The following ZNF530 variants were observed in gnomAD, a reference collection of about 807,000 sequenced individuals.
ZNF530 encodes zinc finger protein 530.
ZNF530 carries 5 observed loss-of-function variants against 2.8 expected under a neutral mutation model. The observed-to-expected ratio is 1.80, with a 90% CI of 0.94 to 3.78. The LOEUF (loss-of-function observed/expected upper bound fraction) is 3.78. Among genes scored for constraint, ZNF530 ranks in the 30% most tolerant of loss-of-function variants. The pLI, the probability that ZNF530 is intolerant of heterozygous loss-of-function variation, is 0.00. For missense variants in ZNF530, 619 were observed against 673.3 expected, an observed-to-expected ratio of 0.92 and a Z score of 0.89; for synonymous variants, 229 against 235.0, an observed-to-expected ratio of 0.97 and a Z score of 0.23.
Position 57,606,478 on chromosome 19 carries a change from C to A in ZNF530, c.854C>A (p.Thr285Asn). 6.2e-7 allele frequency: 1 copy of A among 1,614,170 alleles called. No homozygotes were observed. The highest frequency in any genetic ancestry group is 8.5e-7 in the Non-Finnish European group (1 of 1,180,036). ...SVLIQHQRVH[T>N]GERPYECSEC... ...CTCATTCAACATCAACGAGTTCACA[C>A]TGGAGAAAGGCCTTATGAGTGCAGT... Residue 285 changes from threonine to asparagine, a missense_variant, in exon 4 of 4, where the codon ACT becomes AAT. Thr to Asn is a moderately conservative substitution (Grantham distance 65, BLOSUM62 0). Transcript: ENST00000597700.
In ZNF530 at chr19:57,600,130, C is replaced by G. The variant is rs901097047; in HGVS notation, c.-126C>G. ...ATGGCGGCGGCACTGAGGGCCCCGACCCAGGTGAGCGCTGCGTCCTCCCGG... is the reference window on the plus strand; with the variant it reads ...ATGGCGGCGGCACTGAGGGCCCCGAGCCAGGTGAGCGCTGCGTCCTCCCGG... On this transcript the variant is annotated 5_prime_UTR_variant, in exon 1 of 4. Transcript: ENST00000597700. 1 of 1,570,294 alleles carries G rather than the reference C, an allele frequency of 6.4e-7. No individual in the cohort carries two copies. Among genetic ancestry groups the G allele is most frequent in the Non-Finnish European group, 8.6e-7 (1 of 1,156,984 alleles).
chr19:57,610,327 C>A (rs139480699), downstream of ZNF530, among the ~76,000 whole-genome samples: 1 of 151,716 alleles, frequency 6.6e-6, no homozygotes, highest in East Asian at 1.9e-4. Flanking sequence ...TAAAACTTCC[C>A]CTTAGGTAAG....
intron 2 of ZNF530, among the ~76,000 whole-genome samples, chr19:57,601,990 G>C (rs570757265): frequency 1.3e-5 from 2 of 152,284 alleles, no homozygotes; most frequent in South Asian, 4.1e-4. Flanking sequence ...CCAACATTGG[G>C]GATCACATTT....
In ZNF530 at chr19:57,607,214, T is replaced by C; in HGVS notation, c.1590T>C (p.Ile530=). 1.2e-6 allele frequency: 2 copies of C among 1,614,066 alleles called. 1 individual carries two copies. The highest frequency in any genetic ancestry group is 2.2e-5 in the South Asian group (2 of 91,080). ...GKSFTRKNHL[I]QHKTVHTGER... ...CTTTTACCCGCAAAAATCACCTCAT[T>C]CAACACAAGACAGTTCACACTGGAG... Residue 530 remains isoleucine, a synonymous_variant, in exon 4 of 4, where the codon ATT becomes ATC. Coordinates refer to ENST00000597700, the MANE Select transcript of ZNF530 (RefSeq NM_001321981.2).
In ZNF530 at chr19:57,606,164, C is replaced by T. The variant is rs768807121; in HGVS notation, c.540C>T (p.Tyr180=). 20 of 1,614,108 alleles carry T rather than the reference C, an allele frequency of 1.2e-5. No homozygotes were observed. Among genetic ancestry groups the T allele is most frequent in the African/African-American group, 2.7e-5 (2 of 74,942 alleles). The change falls in exon 4 of 4, where the codon TAC becomes TAT. Residue 180 remains tyrosine (Y), a synonymous_variant. Transcript: ENST00000597700. ...CCACTGGACGAAAGCCTCTCAAATA[C>T]ACTGAATCCAGGAAATCTTTTAGAG... The part of the protein sequence containing the change: ...RVPTGRKPLK[Y]TESRKSFREK...
At chr19:57,611,910 T>TGAGGCAACTA (rs556974036), downstream of ZNF530, among the ~76,000 whole-genome samples, 114 of 152,290 alleles carry the variant, frequency 7.5e-4, no homozygotes, top group African/African-American at 2.2e-3. Flanking sequence ...GGTGAGGGTA[T>TGAGGCAACTA]GAGGCAACTA....
chr19:57,606,976 T>C lies in ZNF530; in HGVS notation c.1352T>C (p.Val451Ala). ...CKTDLIRHQT[V>A]HTGERPYECS... ...ACTGACCTCATTCGACACCAGACAG[T>C]TCACACTGGAGAAAGGCCTTATGAG... Residue 451 changes from valine (V) to alanine (A), a missense_variant, in exon 4 of 4, where the codon GTT becomes GCT. Val to Ala is a moderately conservative substitution (Grantham distance 64). Coordinates refer to ENST00000597700, the MANE Select transcript of ZNF530 (RefSeq NM_001321981.2). 1 of 1,614,034 alleles carries C rather than the reference T, an allele frequency of 6.2e-7. No homozygotes were observed. Among genetic ancestry groups the C allele is most frequent in the Non-Finnish European group, 8.5e-7 (1 of 1,180,006 alleles).
chr19:57,604,233 C>T (rs1980385355), intron 2 of ZNF530, 44 bp from the exon 3 acceptor site: 1 of 1,612,022 alleles, frequency 6.2e-7, no homozygotes, highest in South Asian at 1.1e-5. Context: ...AACTTGGGGT[C>T]CTAGGAAAGA....
chr19:57,605,855 T>G lies in ZNF530; in HGVS notation c.231T>G (p.His77Gln), dbSNP rs2360543. Reference sequence around the variant, plus strand: ...ACATTTTACAAATGATTGAGCTCCATGCCTCACCCTGTGGACAGAAATTGT... The same window carrying G: ...ACATTTTACAAATGATTGAGCTCCAGGCCTCACCCTGTGGACAGAAATTGT... ...LRDILQMIEL[H>Q]ASPCGQKLYL... Residue 77 changes from histidine (H) to glutamine (Q), a missense_variant, in exon 4 of 4, where the codon CAT becomes CAG. Physicochemically the swap from His to Gln is conservative, Grantham distance 24. Coordinates refer to ENST00000597700, the MANE Select transcript of ZNF530 (RefSeq NM_001321981.2). 3.7e-6 allele frequency: 6 copies of G among 1,614,008 alleles called. No homozygotes were observed. The East Asian group carries it at 1.3e-4, about 36-fold the overall frequency.
In ZNF530 at chr19:57,600,052, C is replaced by G; in HGVS notation, c.-204C>G. The G allele has an allele frequency of 6.7e-7, 1 of 1,500,274 alleles. No individual in the cohort carries two copies. The highest frequency in any genetic ancestry group is 9.0e-7 in the Non-Finnish European group (1 of 1,111,768). The allele number at this position is 1,500,274 out of a possible 1,614,324, so 92.9% of individuals were successfully genotyped here. The stretch of plus-strand genomic sequence containing the variant: ...CGCCGGCGGTGGTGACAGCTTTGCT[C>G]TTGTCTCCGCCCGGATCGTCCACCG... On this transcript the variant is annotated 5_prime_UTR_variant, in exon 1 of 4. Coordinates refer to ENST00000597700, the MANE Select transcript of ZNF530 (RefSeq NM_001321981.2).
intron 2 of ZNF530, among the ~76,000 whole-genome samples, chr19:57,602,377 T>C (rs2123455618): frequency 1.3e-5 from 2 of 152,344 alleles, no homozygotes; most frequent in Middle Eastern, 6.8e-3. Context: ...CACATTATAT[T>C]AGGCTTCATT....
In ZNF530 at chr19:57,606,981, A is replaced by C; in HGVS notation, c.1357A>C (p.Thr453Pro). 3.7e-6 allele frequency: 6 copies of C among 1,614,126 alleles called. No individual in the cohort carries two copies. The highest frequency in any genetic ancestry group is 5.1e-6 in the Non-Finnish European group (6 of 1,180,024). Residue 453 changes from threonine (T) to proline (P), a missense_variant, in exon 4 of 4, where the codon ACT becomes CCT. By Grantham distance (38) the Thr-to-Pro change is conservative. Coordinates refer to ENST00000597700, the MANE Select transcript of ZNF530 (RefSeq NM_001321981.2). ...CCTCATTCGACACCAGACAGTTCACACTGGAGAAAGGCCTTATGAGTGCAG... is the reference window on the plus strand; with the variant it reads ...CCTCATTCGACACCAGACAGTTCACCCTGGAGAAAGGCCTTATGAGTGCAG... ...TDLIRHQTVHTGERPYECSVC... is the reference protein window; with the variant it reads ...TDLIRHQTVHPGERPYECSVC...
At position 57,606,534 on chromosome 19, in the gene ZNF530, A is replaced by C; in HGVS notation, c.910A>C (p.Asn304His). 1.2e-6 allele frequency: 2 copies of C among 1,606,310 alleles called. No homozygotes were observed. Among genetic ancestry groups the C allele is most frequent in the Non-Finnish European group, 1.7e-6 (2 of 1,177,140 alleles). Residue 304 changes from asparagine (N) to histidine (H), a missense_variant, in exon 4 of 4, where the codon AAC (asparagine) becomes CAC (histidine). Asn to His is a moderately conservative substitution (Grantham distance 68). Transcript: ENST00000597700. Reference sequence around the variant, plus strand: ...TGGGAAATCTTTTAGCCACAGCACTAACCTCTATCGTCACAGGAGTGCCCA... The same window carrying C: ...TGGGAAATCTTTTAGCCACAGCACTCACCTCTATCGTCACAGGAGTGCCCA... ...ECGKSFSHST[N>H]LYRHRSAHTS...
At chr19:57,604,249 A>G (rs770954422) in intron 2 of ZNF530, 28 bp from the exon 3 acceptor site, 1 of 1,613,442 alleles carries the variant, frequency 6.2e-7, no homozygotes, top group South Asian at 1.1e-5. Context: ...AAAGATGCTG[A>G]CCATGGAATG....
rs764668389 is a variant in ZNF530, at chr19:57,607,184, G to A, written c.1560G>A (p.Gly520=). ...GERPYECREC[G]KSFTRKNHLI... The stretch of plus-strand genomic sequence containing the variant: ...GGCCTTATGAGTGCAGAGAATGTGG[G>A]AAATCTTTTACCCGCAAAAATCACC... The change falls in exon 4 of 4, where the codon GGG becomes GGA. Residue 520 remains glycine (G), a synonymous_variant. Transcript: ENST00000597700. 6.2e-7 allele frequency: 1 copy of A among 1,612,530 alleles called. No homozygotes were observed. The highest frequency in any genetic ancestry group is 1.1e-5 in the South Asian group (1 of 90,978).
chr19:57,600,098 G>C lies in ZNF530; in HGVS notation c.-158G>C, dbSNP rs983862599. 5 of 1,558,662 alleles carry C rather than the reference G, an allele frequency of 3.2e-6. No homozygotes were observed. In the East Asian group the frequency reaches 1.2e-4, roughly 37 times the overall value. ...CACCGCTCCCGGCCCGCTCCGCCCA[G>C]AGTCCGATGGCGGCGGCACTGAGGG... is the stretch of plus-strand genomic sequence containing the variant. On this transcript the variant is annotated 5_prime_UTR_variant, in exon 1 of 4. Transcript: ENST00000597700.
chr19:57,605,715 A>T lies in ZNF530; in HGVS notation c.91A>T (p.Thr31Ser), dbSNP rs9677004. 2 of 1,610,950 alleles carry T rather than the reference A, an allele frequency of 1.2e-6. No individual in the cohort carries two copies. The highest frequency in any genetic ancestry group is 1.7e-6 in the Non-Finnish European group (2 of 1,177,988). ...GCWCGAVDEG[T>S]PSAESVSVEE... Reference sequence around the variant, plus strand: ...CTGGTGTGGAGCAGTAGATGAGGGGACGCCTTCTGCAGAGAGCGTTTCTGT... The same window carrying T: ...CTGGTGTGGAGCAGTAGATGAGGGGTCGCCTTCTGCAGAGAGCGTTTCTGT... Residue 31 changes from threonine (T) to serine (S), a missense_variant, in exon 4 of 4, where the codon ACG (threonine) becomes TCG (serine). Coordinates refer to ENST00000597700, the MANE Select transcript of ZNF530 (RefSeq NM_001321981.2).
chr19:57,610,776 A>T (rs1166434357), downstream of ZNF530, among the ~76,000 whole-genome samples: 1 of 152,218 alleles, frequency 6.6e-6, no homozygotes, highest in Non-Finnish European at 1.5e-5. Flanking sequence ...CTGAATCAGT[A>T]GCCCCCAAAT....
At chr19:57,604,100 G>C (rs1313357361) in intron 2 of ZNF530, among the ~76,000 whole-genome samples, 177 bp from the exon 3 acceptor site, 2 of 152,090 alleles carry the variant, frequency 1.3e-5, no homozygotes, top group Non-Finnish European at 2.9e-5. Flanking sequence ...TGTTGCTGTG[G>C]GAGAACACAG....
Sources: allele counts gnomAD v4.1 joint callset (sites outside exome capture counted in the v4.1 genomes callset), GRCh38; gene constraint gnomAD v4.1.1; transcripts MANE v1.5; gene names NCBI Gene and HGNC (gene_info 2026-07-23, HGNC 2026-07-21).